Variants in ITPR3 observed in about 807,000 individuals in gnomAD.
ITPR3 encodes inositol 1,4,5-trisphosphate-gated calcium channel ITPR3.
Under a neutral mutation model 293.2 loss-of-function variants are expected in ITPR3, and 173 were observed. The observed-to-expected ratio is 0.59, with a 90% CI of 0.52 to 0.67. The LOEUF is 0.67. ITPR3 is among the 30% of genes least tolerant of loss of function. The pLI is 0.00. For synonymous variants in ITPR3, 1,295 were observed against 1,444.4 expected, an observed-to-expected ratio of 0.90 and a Z score of 2.35; for missense variants, 2,796 against 3,592.1, an observed-to-expected ratio of 0.78 and a Z score of 5.66.
rs757123330 is a variant in ITPR3, at chr6:33,680,453, G to A, written c.4349G>A (p.Arg1450Gln). ...LFENFTLDMARVCSKREKRVA... is the reference protein window; with the variant it reads ...LFENFTLDMAQVCSKREKRVA... ...GAGAACTTCACCCTGGACATGGCCC[G>A]GGTCTGTCCCTGTGAGGGGTGTGGG... The change falls in exon 32 of 58, where the codon CGG (arginine) becomes CAG (glutamine). Residue 1450 changes from arginine to glutamine, a missense_variant and splice_region_variant. Transcript: ENST00000605930. 3.7e-5 allele frequency: 60 copies of A among 1,612,624 alleles called. No homozygotes were observed. Among genetic ancestry groups the A allele is most frequent in the Non-Finnish European group, 4.5e-5 (53 of 1,179,924 alleles).
At position 33,672,214 on chromosome 6, in the gene ITPR3, C is replaced by T. The variant is rs768191920; in HGVS notation, c.2914C>T (p.Leu972=). The T allele has an allele frequency of 6.2e-7, 1 of 1,609,404 alleles. No homozygotes were observed. The highest frequency in any genetic ancestry group is 8.5e-7 in the Non-Finnish European group (1 of 1,177,890). The change falls in exon 22 of 58, where the codon CTG becomes TTG. Residue 972 remains leucine (L), a synonymous_variant. Coordinates refer to ENST00000605930, the MANE Select transcript of ITPR3 (RefSeq NM_002224.4). This position sits in a 1 kb window ranked among gnomAD's most constrained non-coding sequence, Gnocchi z 5.0. ...IVVMETKLKI[L]EILQFILNVR... ...GGTGATGGAGACCAAGCTGAAGATC[C>T]TGGAAATCCTTCAGGTGCCTGGGCC...
chr6:33,677,196 C>T (rs1194739058), intron 27 of ITPR3, 107 bp downstream of exon 27: 1 of 1,006,424 alleles, frequency 9.9e-7, no homozygotes, highest in Non-Finnish European at 1.5e-6. Context: ...CACTGGCCCT[C>T]ACAAGAGACA....
At chr6:33,648,656 A>G (rs1001157162) in intron 2 of ITPR3, among the ~76,000 whole-genome samples, 31 of 150,838 alleles carry the variant, frequency 2.1e-4, no homozygotes, top group Admixed American at 1.3e-3. Context: ...CAGTGGCACA[A>G]TCATGGCTCA....
At chr6:33,678,397 C>T (rs1764968672) in intron 28 of ITPR3, 24 bp from the exon 29 acceptor site, 2 of 1,610,894 alleles carry the variant, frequency 1.2e-6, no homozygotes, top group Middle Eastern at 1.7e-4. Flanking sequence ...GGCCCAGCAC[C>T]CTCTCCCTGA....
rs1022098249 is a variant in ITPR3 at position 33,666,177 on chromosome 6, G to A, written c.1551+201G>A. ...GAGGAGGCGCCGTGATTCTTACCCC[G>A]TTTTACTGGTGAGGAAGCTGAAACA... On this transcript the variant is annotated intron_variant, in intron 14 of 57. Coordinates refer to ENST00000605930, the MANE Select transcript of ITPR3 (RefSeq NM_002224.4). The surrounding 1 kb of genome is among the most constrained non-coding windows in gnomAD (Gnocchi z 5.1). Among the ~76,000 whole-genome samples the A allele has an allele frequency of 9.2e-5, 14 of 152,166 alleles. No individual in the cohort carries two copies. The highest frequency in any genetic ancestry group is 3.4e-4 in the African/African-American group (14 of 41,430).
In ITPR3 at chr6:33,624,985, G is replaced by A. The variant is rs535498573; in HGVS notation, c.89+3294G>A. Among the ~76,000 whole-genome samples the A allele has an allele frequency of 5.3e-5, 8 of 152,346 alleles. No homozygotes were observed. The East Asian group carries it at 7.7e-4, about 15-fold the overall frequency. On this transcript the variant is annotated intron_variant, in intron 1 of 57. Transcript: ENST00000605930. This position sits in a 1 kb window ranked among gnomAD's most constrained non-coding sequence, Gnocchi z 4.7. ...GGATCTGGGTAGTGGATCCAGGAGC[G>A]GTTGAGACTGCCAGCCGGCCAGCAA...
intron 3 of ITPR3, among the ~76,000 whole-genome samples, chr6:33,656,876 A>C (rs1159989736): frequency 6.6e-6 from 1 of 152,218 alleles, no homozygotes; most frequent in Non-Finnish European, 1.5e-5. Flanking sequence ...TGCGCCTTAT[A>C]GCTGTGGACT....
At chr6:33,694,692 GC>G in intron 56 of ITPR3, 3 of 542,868 alleles carry the variant, frequency 5.5e-6, no homozygotes, top group Admixed American at 3.4e-5. Flanking sequence ...TGCCGACGCT[GC>G]CTAACGGAAG....
intron 1 of ITPR3, among the ~76,000 whole-genome samples, chr6:33,626,763 G>A (rs905115694): frequency 4.6e-5 from 7 of 152,072 alleles, no homozygotes; most frequent in South Asian, 2.1e-4. Flanking sequence ...CCTTTCCCTC[G>A]CTGATAGCAT....
At chr6:33,669,700 A>G (rs976688590) in intron 18 of ITPR3, among the ~76,000 whole-genome samples, 4 of 152,238 alleles carry the variant, frequency 2.6e-5, no homozygotes, top group African/African-American at 4.8e-5. Context: ...CCTTCATTTG[A>G]GCCACATGAC....
chr6:33,645,734 G>T (rs1344906600), intron 2 of ITPR3, among the ~76,000 whole-genome samples: 2 of 152,236 alleles, frequency 1.3e-5, no homozygotes, highest in African/African-American at 2.4e-5. Context: ...CCTGCTGGGT[G>T]TGAAATGGCA....
intron 17 of ITPR3, 73 bp from the exon 18 acceptor site, chr6:33,668,901 G>A (rs1178745257): frequency 2.0e-6 from 3 of 1,483,776 alleles, no homozygotes; most frequent in Non-Finnish European, 2.8e-6. Context: ...GTGTGGCCGG[G>A]TGTGCTCAGG....
At chr6:33,646,945 A>AT (rs1475699201) in intron 2 of ITPR3, among the ~76,000 whole-genome samples, 1 of 152,104 alleles carries the variant, frequency 6.6e-6, no homozygotes, top group Non-Finnish European at 1.5e-5. Context: ...AAGTATATTC[A>AT]TTTTAGTTGC....
intron 1 of ITPR3, among the ~76,000 whole-genome samples, chr6:33,629,789 G>C (rs1434204399): frequency 6.6e-6 from 1 of 151,760 alleles, no homozygotes; most frequent in Non-Finnish European, 1.5e-5. Flanking sequence ...CTGACCATTG[G>C]TTTCTTTAAA....
chr6:33,677,402 C>T (rs1764935936), intron 27 of ITPR3, 102 bp from the exon 28 acceptor site: 1 of 1,531,732 alleles, frequency 6.5e-7, no homozygotes, highest in African/African-American at 1.4e-5. Context: ...CTCCTTCCCC[C>T]TTCCTGTCCC....
intron 43 of ITPR3, 64 bp from the exon 44 acceptor site, chr6:33,686,945 G>C (rs1765247658): frequency 7.8e-7 from 1 of 1,284,910 alleles, no homozygotes; most frequent in Admixed American, 1.7e-5. Flanking sequence ...AGGAATGAGG[G>C]AGAAGTTGTC....
intron 2 of ITPR3, among the ~76,000 whole-genome samples, chr6:33,641,468 G>A (rs1582109444): frequency 6.6e-6 from 1 of 152,178 alleles, no homozygotes; most frequent in Admixed American, 6.5e-5. Flanking sequence ...GCTGGCGGCC[G>A]GGGTCCTTGC....
intron 2 of ITPR3, among the ~76,000 whole-genome samples, chr6:33,650,843 A>T: frequency 6.7e-6 from 1 of 148,512 alleles, no homozygotes; most frequent in African/African-American, 2.5e-5. Flanking sequence ...TATCTGTTTT[A>T]CAGGTGATGT....
intron 1 of ITPR3, among the ~76,000 whole-genome samples, chr6:33,637,592 C>T (rs143203286): frequency 5.8e-4 from 88 of 152,184 alleles, no homozygotes; most frequent in Middle Eastern, 6.8e-3. Flanking sequence ...CCTCAGCCTC[C>T]TGAGTAGCTG....
Sources: gnomAD v4.1 joint callset for allele counts (sites outside exome capture counted in the v4.1 genomes callset) on GRCh38, gnomAD v4.1.1 for gene constraint, Gnocchi (gnomAD v3.1) non-coding constraint, MANE v1.5 for transcripts, NCBI Gene and HGNC (gene_info 2026-07-23, HGNC 2026-07-21) for gene names.